Variants in LRRC37A2 observed in about 807,000 individuals in gnomAD.
The protein encoded by LRRC37A2 is leucine rich repeat containing 37 member A2.
Under a neutral mutation model 68.8 loss-of-function variants are expected in LRRC37A2, and 9 were observed. The ratio of observed to expected loss-of-function variants is 0.13; its 90% CI spans 0.08 to 0.23. LRRC37A2 has a LOEUF of 0.23. LRRC37A2 is among the 10% of genes least tolerant of loss of function. The pLI is 1.00. For missense variants in LRRC37A2, 168 were observed against 950.4 expected (o/e 0.18, Z 10.82); for synonymous variants, 63 against 367.6 (o/e 0.17, Z 9.48).
At chr17:46,952,935 A>G in the LRRC37A2 span, 8 of 152,270 alleles carry the variant, frequency 5.3e-5, no homozygotes, top group African/African-American at 1.9e-4. Context: ...TCTCCTCCCA[A>G]GATACCCCAC....
chr17:46,704,933 C>T, the LRRC37A2 span: 37 of 1,446,380 alleles, frequency 2.6e-5, no homozygotes, highest in Non-Finnish European at 3.2e-5. Context: ...GTGCCATTTA[C>T]TCAGTATTAT....
chr17:46,984,985 G>A, the LRRC37A2 span, among the ~76,000 whole-genome samples: 2 of 152,116 alleles, frequency 1.3e-5, no homozygotes, highest in African/African-American at 4.8e-5. Context: ...CCTAGGACCC[G>A]GTTTACACTC....
the LRRC37A2 span, among the ~76,000 whole-genome samples, chr17:46,980,317 CTTCT>C: frequency 8.6e-5 from 13 of 151,468 alleles, no homozygotes; most frequent in Non-Finnish European, 1.8e-4. Flanking sequence ...TTCTTTCCTT[CTTCT>C]TCCTTCTCCC....
chr17:46,829,240 T>G, the LRRC37A2 span, among the ~76,000 whole-genome samples: 2 of 152,142 alleles, frequency 1.3e-5, no homozygotes, highest in East Asian at 3.9e-4. Flanking sequence ...CAATCTTGGC[T>G]CACTGCAACC....
the LRRC37A2 span, chr17:46,966,536 A>G: frequency 1.4e-6 from 1 of 692,940 alleles, no homozygotes; most frequent in Admixed American, 2.0e-5. Flanking sequence ...TTTTGCAGAG[A>G]CAAGGTCTCA....
At chr17:46,728,991 A>G in the LRRC37A2 span, 2 of 1,045,380 alleles carry the variant, frequency 1.9e-6, no homozygotes, top group Non-Finnish European at 2.9e-6. Context: ...AGTAAATCGC[A>G]TATAATGATA....
At chr17:46,501,203 G>A in the LRRC37A2 span, among the ~76,000 whole-genome samples, 6 of 151,158 alleles carry the variant, frequency 4.0e-5, no homozygotes, top group East Asian at 1.9e-4. Flanking sequence ...TTTTTGAGAC[G>A]GAGTCTCTGT....
At chr17:46,901,860 G>C in the LRRC37A2 span, among the ~76,000 whole-genome samples, 2 of 145,816 alleles carry the variant, frequency 1.4e-5, no homozygotes, top group East Asian at 4.0e-4. Context: ...AGGCTGGAGC[G>C]CAATGGCGCA....
At chr17:46,793,613 A>G in the LRRC37A2 span, among the ~76,000 whole-genome samples, 1 of 152,152 alleles carries the variant, frequency 6.6e-6, no homozygotes, top group African/African-American at 2.4e-5. Context: ...CAGGACAAAG[A>G]ATTTCAGGGG....
At chr17:46,826,781 CTTTT>C in the LRRC37A2 span, among the ~76,000 whole-genome samples, 10 of 117,642 alleles carry the variant, frequency 8.5e-5, no homozygotes, top group Non-Finnish European at 1.1e-4. Context: ...ATCAGCTGCT[CTTTT>C]TTTTTTTTTT....
At chr17:46,926,321 A>T in the LRRC37A2 span, among the ~76,000 whole-genome samples, 1 of 152,138 alleles carries the variant, frequency 6.6e-6, no homozygotes. Flanking sequence ...CAGCGTTTTC[A>T]TGTTCATCAT....
chr17:46,912,507 G>C, the LRRC37A2 span, among the ~76,000 whole-genome samples: 7 of 152,170 alleles, frequency 4.6e-5, no homozygotes, highest in Non-Finnish European at 8.8e-5. Flanking sequence ...CTTGCTCCTG[G>C]CTGTTATGGC....
At chr17:46,799,066 A>G in the LRRC37A2 span, among the ~76,000 whole-genome samples, 2 of 151,604 alleles carry the variant, frequency 1.3e-5, no homozygotes, top group African/African-American at 2.4e-5. Flanking sequence ...AAAAAAAAAA[A>G]ATCCCTGATA....
chr17:46,749,636 T>C, the LRRC37A2 span: 3 of 751,986 alleles, frequency 4.0e-6, no homozygotes, highest in Admixed American at 9.6e-5. Flanking sequence ...AATCCTGAAT[T>C]GTTTTCTTCT....
the LRRC37A2 span, among the ~76,000 whole-genome samples, chr17:46,828,620 G>A: frequency 6.6e-6 from 1 of 152,138 alleles, no homozygotes; most frequent in Non-Finnish European, 1.5e-5. Context: ...ACAACAAAAG[G>A]GAGGGTGTAG....
At chr17:46,800,811 A>C in the LRRC37A2 span, among the ~76,000 whole-genome samples, 1 of 152,126 alleles carries the variant, frequency 6.6e-6, no homozygotes, top group Non-Finnish European at 1.5e-5. Flanking sequence ...TAGTCCATGA[A>C]ATAGATGTGC....
At chr17:46,921,964 C>A in the LRRC37A2 span, among the ~76,000 whole-genome samples, 1 of 152,160 alleles carries the variant, frequency 6.6e-6, no homozygotes, top group Non-Finnish European at 1.5e-5. Context: ...ACCATTTGAC[C>A]CAGCCATCCC....
chr17:46,721,692 C>G, the LRRC37A2 span: 1 of 1,606,614 alleles, frequency 6.2e-7, no homozygotes, highest in Non-Finnish European at 8.5e-7. Flanking sequence ...TGTGCTTTGT[C>G]CAAATGAACC....
the LRRC37A2 span, among the ~76,000 whole-genome samples, chr17:46,903,196 G>C: frequency 6.6e-6 from 1 of 152,022 alleles, no homozygotes; most frequent in Admixed American, 6.5e-5. Context: ...CAGGGGAATC[G>C]CTTGAACCCG....
Sources: allele counts gnomAD v4.1 joint callset (sites outside exome capture counted in the v4.1 genomes callset), GRCh38; gene constraint gnomAD v4.1.1; transcripts MANE v1.5; gene names NCBI Gene and HGNC (gene_info 2026-07-23, HGNC 2026-07-21).